Variants in TTC12 observed in about 807,000 individuals in gnomAD.
TTC12 encodes the protein tetratricopeptide repeat protein 12.
A neutral mutation model predicts 90.1 loss-of-function variants in TTC12; 70 were observed. The ratio of observed to expected loss-of-function variants is 0.78; its 90% CI spans 0.64 to 0.95. The LOEUF (loss-of-function observed/expected upper bound fraction) is 0.95. Ranked by LOEUF, TTC12 falls within the 40% of genes least tolerant of loss-of-function variation. The pLI is 0.00. For synonymous variants in TTC12, 296 were observed against 311.5 expected, an observed-to-expected ratio of 0.95 and a Z score of 0.53; for missense variants, 819 against 846.1, an observed-to-expected ratio of 0.97 and a Z score of 0.40.
chr11:113,366,087 C>G (rs1299814791), intron 21 of TTC12, 138 bp from the exon 22 acceptor site: 7 of 881,150 alleles, frequency 7.9e-6, no homozygotes, highest in African/African-American at 3.3e-5. Flanking sequence ...CCCAATGCCA[C>G]AGCCACTTCC....
chr11:113,315,782 T>C (rs1313112696), intron 1 of TTC12, among the ~76,000 whole-genome samples: 1 of 152,242 alleles, frequency 6.6e-6, no homozygotes, highest in Non-Finnish European at 1.5e-5. Flanking sequence ...AAAGGCAGAT[T>C]TTAAACAAGT....
chr11:113,324,745 G>T (rs1306495064), intron 5 of TTC12, 63 bp downstream of exon 5: 31 of 1,430,078 alleles, frequency 2.2e-5, no homozygotes, highest in Admixed American at 8.9e-5. Flanking sequence ...GCACACGAAG[G>T]CCTGTATGCT....
At chr11:113,361,060 T>G (rs868924602) in intron 18 of TTC12, among the ~76,000 whole-genome samples, 2 of 152,306 alleles carry the variant, frequency 1.3e-5, no homozygotes, top group Middle Eastern at 6.8e-3. Context: ...ATTCCTTGTG[T>G]GCCACGTTGG....
chr11:113,335,337 A>G (rs1948304740), intron 8 of TTC12, among the ~76,000 whole-genome samples: 1 of 152,194 alleles, frequency 6.6e-6, no homozygotes, highest in Non-Finnish European at 1.5e-5. Flanking sequence ...ACCCAAAAGT[A>G]ACCATGCAGA....
At chr11:113,323,552 C>A in intron 3 of TTC12, 101 bp downstream of exon 3, 1 of 715,498 alleles carries the variant, frequency 1.4e-6, no homozygotes, top group Non-Finnish European at 2.1e-6. Context: ...CTGAAATGGT[C>A]TTTTGTTTCT....
rs781986218 is a variant in TTC12 at position 113,350,123 on chromosome 11, A to C, written c.1205A>C (p.Asn402Thr). Residue 402 changes from asparagine (N) to threonine (T), a missense_variant, in exon 14 of 22, where the codon AAC (asparagine) becomes ACC (threonine). Transcript: ENST00000529221. ...CTTGATTTCTCGGATAAGGAGGCCA[A>C]CACTGCTATGGGACTGTTCACAGAC... ...SFLDFSDKEA[N>T]TAMGLFTDLA... The C allele has an allele frequency of 6.2e-7, 1 of 1,614,048 alleles. No homozygotes were observed. Among genetic ancestry groups the C allele is most frequent in the Non-Finnish European group, 8.5e-7 (1 of 1,179,888 alleles).
chr11:113,336,537 C>A (rs1457548328), intron 8 of TTC12, among the ~76,000 whole-genome samples: 5 of 152,108 alleles, frequency 3.3e-5, no homozygotes, highest in Admixed American at 1.3e-4. Flanking sequence ...TATCTCCAAT[C>A]CATTTTGAGT....
At chr11:113,323,495 A>G in intron 3 of TTC12, 44 bp downstream of exon 3, 1 of 1,380,478 alleles carries the variant, frequency 7.2e-7, no homozygotes, top group Non-Finnish European at 9.7e-7. Context: ...TTACAGTGAG[A>G]AGACCTACAC....
intron 3 of TTC12, 26 bp downstream of exon 3, chr11:113,323,477 AT>A: frequency 6.6e-7 from 1 of 1,525,770 alleles, no homozygotes; most frequent in Admixed American, 2.1e-5. Context: ...GAGAAGTTAT[AT>A]AAGTACTTAC....
intron 16 of TTC12, among the ~76,000 whole-genome samples, chr11:113,357,819 G>A (rs1181573253): frequency 1.3e-5 from 2 of 152,192 alleles, no homozygotes; most frequent in East Asian, 1.9e-4. Context: ...GAGCCAAGGT[G>A]ATCCCGAACC....
chr11:113,320,346 C>T (rs576820707), intron 2 of TTC12, among the ~76,000 whole-genome samples: 14 of 152,160 alleles, frequency 9.2e-5, no homozygotes, highest in East Asian at 7.7e-4. Context: ...CAGAAGCAGA[C>T]GAGCAGGTGA....
At chr11:113,332,990 A>G (rs568133529) in intron 7 of TTC12, among the ~76,000 whole-genome samples, 1 of 152,118 alleles carries the variant, frequency 6.6e-6, no homozygotes, top group South Asian at 2.1e-4. Context: ...CACTCTCACC[A>G]GGACTTCAGA....
chr11:113,347,062 G>A (rs1949011556), intron 13 of TTC12, among the ~76,000 whole-genome samples: 2 of 152,160 alleles, frequency 1.3e-5, no homozygotes, highest in African/African-American at 4.8e-5. Context: ...ATAGTGAGGG[G>A]GCCTAGCTGC....
At chr11:113,340,902 G>T (rs1351705165) in intron 11 of TTC12, among the ~76,000 whole-genome samples, 169 bp downstream of exon 11, 1 of 152,188 alleles carries the variant, frequency 6.6e-6, no homozygotes. Flanking sequence ...ACATCTTTGA[G>T]TGCTTTCCCT....
intron 13 of TTC12, among the ~76,000 whole-genome samples, chr11:113,347,317 G>A (rs1325126504): frequency 6.6e-6 from 1 of 152,180 alleles, no homozygotes; most frequent in Non-Finnish European, 1.5e-5. Context: ...ATCCAGTCAA[G>A]CCCCACTCAG....
In TTC12 at chr11:113,351,329, AAC is replaced by A. The variant is rs1491294795; in HGVS notation, c.1308+32_1308+33del. 6 of 1,596,492 alleles carry A rather than the reference AAC, an allele frequency of 3.8e-6. No individual in the cohort carries two copies. In the Admixed American group the frequency reaches 1.0e-4, roughly 27 times the overall value. ...GCAAACTGTCATTTTCATCCTCTGT[AAC>A]AGACACTCTCAGGAGCGTGAATGGG... On this transcript the variant is annotated intron_variant, in intron 15 of 21. Coordinates refer to ENST00000529221, the MANE Select transcript of TTC12 (RefSeq NM_017868.4).
chr11:113,319,452 T>A (rs1555137265), intron 2 of TTC12, among the ~76,000 whole-genome samples: 2 of 151,812 alleles, frequency 1.3e-5, no homozygotes, highest in Admixed American at 1.3e-4. Context: ...TGAGTTAATT[T>A]AAAAAAAAGT....
intron 21 of TTC12, among the ~76,000 whole-genome samples, chr11:113,372,800 G>T (rs866513458): frequency 1.3e-5 from 2 of 152,104 alleles, no homozygotes; most frequent in Middle Eastern, 6.9e-3. Context: ...TCCCAGTTAG[G>T]CCAGCCAATG....
At chr11:113,324,518 C>G in intron 4 of TTC12, 87 bp from the exon 5 acceptor site, 1 of 1,127,066 alleles carries the variant, frequency 8.9e-7, no homozygotes, top group South Asian at 1.4e-5. Context: ...ACGTGTGGCT[C>G]TAAAGTAACA....
Sources: gnomAD v4.1 joint callset for allele counts (sites outside exome capture counted in the v4.1 genomes callset) on GRCh38, gnomAD v4.1.1 for gene constraint, MANE v1.5 for transcripts, NCBI Gene and HGNC (gene_info 2026-07-23, HGNC 2026-07-21) for gene names.